GBP1: variants seen among roughly 807,000 people sequenced by gnomAD.
GBP1 encodes the protein guanylate-binding protein 1.
In GBP1, 64 loss-of-function variants were observed where a neutral mutation model predicts 69.5. The observed-to-expected ratio is 0.92, with a 90% confidence interval of 0.75 to 1.13. The LOEUF is 1.13. Among genes scored for constraint, GBP1 ranks in the 50% most tolerant of loss-of-function variants. The pLI, the probability that GBP1 is intolerant of heterozygous loss-of-function variation, is 0.00. For synonymous variants in GBP1, 250 were observed against 261.2 expected (o/e 0.96, Z 0.41); for missense variants, 630 against 704.1 (o/e 0.89, Z 1.19).
At position 89,060,302 on chromosome 1, in the gene GBP1, C is replaced by G; in HGVS notation, c.213G>C (p.Val71=). The change falls in exon 3 of 11, where the codon GTG becomes GTC. Residue 71 remains valine (V), a synonymous_variant. Coordinates refer to ENST00000370473, the MANE Select transcript of GBP1 (RefSeq NM_002053.3). ...TCCAGATTCCTTTAGTGTGAGACTG[C>G]ACCGTGGAGCCCAGAGAGAAGCCTG... ...KKKGFSLGST[V]QSHTKGIWMW... 1 of 1,598,562 alleles carries G rather than the reference C, an allele frequency of 6.3e-7. No individual in the cohort carries two copies. The highest frequency in any genetic ancestry group is 8.5e-7 in the Non-Finnish European group (1 of 1,173,332).
At chr1:89,053,548 G>T in intron 10 of GBP1, 80 bp from the exon 11 acceptor site, 1 of 1,539,836 alleles carries the variant, frequency 6.5e-7, no homozygotes, top group Non-Finnish European at 8.7e-7. Flanking sequence ...CACATTAAAT[G>T]ATTTGTTATT....
chr1:89,059,269 C>G (rs775736680), intron 4 of GBP1, 48 bp downstream of exon 4: 2 of 1,613,882 alleles, frequency 1.2e-6, no homozygotes, highest in East Asian at 4.5e-5. Context: ...TGTATGAATA[C>G]AGGTGTCCCC....
intron 1 of GBP1, among the ~76,000 whole-genome samples, chr1:89,063,567 G>T (rs1680257915): frequency 6.6e-6 from 1 of 152,130 alleles, no homozygotes; most frequent in South Asian, 2.1e-4. Context: ...GATAGAATAG[G>T]ATTTAGAGGA....
chr1:89,056,318 A>G, intron 7 of GBP1, 90 bp from the exon 8 acceptor site: 1 of 1,601,018 alleles, frequency 6.2e-7, no homozygotes, highest in Non-Finnish European at 8.5e-7. Flanking sequence ...TGAAAATAGA[A>G]GTCAATGATG....
rs767884026 is a variant in GBP1 at position 89,053,404 on chromosome 1, T to C, written c.1730A>G (p.Gln577Arg). ...KESRIMKNEI[Q>R]DLQTKMRRRK... is the part of the protein sequence containing the mutation. Reference sequence around the variant, plus strand: ...TCGTCTCATTTTCGTCTGGAGATCCTGTATCTCATTTTTCATTATTCTGCT... The same window carrying C: ...TCGTCTCATTTTCGTCTGGAGATCCCGTATCTCATTTTTCATTATTCTGCT... The change falls in exon 11 of 11, where the codon CAG (glutamine) becomes CGG (arginine). Residue 577 changes from glutamine (Q) to arginine (R), a missense_variant. Coordinates refer to ENST00000370473, the MANE Select transcript of GBP1 (RefSeq NM_002053.3). 3 of 1,613,738 alleles carry C rather than the reference T, an allele frequency of 1.9e-6. No homozygotes were observed. In the African/African-American group the frequency reaches 4.0e-5, roughly 22 times the overall value.
intron 7 of GBP1, among the ~76,000 whole-genome samples, chr1:89,056,518 G>A (rs1680049932): frequency 6.6e-6 from 1 of 152,222 alleles, no homozygotes; most frequent in Admixed American, 6.5e-5. Flanking sequence ...TGGCTGAACG[G>A]AAGCCTGCTC....
intron 5 of GBP1, 171 bp from the exon 6 acceptor site, chr1:89,058,405 G>C (rs4375241): frequency 2.3e-5 from 14 of 608,422 alleles, no homozygotes; most frequent in African/African-American, 2.0e-4. Context: ...AATGGGCATA[G>C]CATTATTCCA....
intron 7 of GBP1, 116 bp from the exon 8 acceptor site, chr1:89,056,344 G>A (rs1395422429): frequency 1.3e-6 from 2 of 1,538,974 alleles, no homozygotes; most frequent in Non-Finnish European, 1.8e-6. Context: ...GAAACTGACA[G>A]CCTCCTCACC....
chr1:89,058,829 G>A lies in GBP1; in HGVS notation c.631+12C>T. On this transcript the variant is annotated intron_variant, in intron 5 of 10. Coordinates refer to ENST00000370473, the MANE Select transcript of GBP1 (RefSeq NM_002053.3). ...TTCTCATCCTCATTTATCAGTTGAA[G>A]CTCTCTGTTACCTTTCTTCAGCTTC... The A allele has an allele frequency of 6.2e-7, 1 of 1,613,088 alleles. No individual in the cohort carries two copies. Among genetic ancestry groups the A allele is most frequent in the Non-Finnish European group, 8.5e-7 (1 of 1,179,048 alleles).
At chr1:89,061,174 G>C (rs1362921573) in intron 2 of GBP1, among the ~76,000 whole-genome samples, 3 of 152,002 alleles carry the variant, frequency 2.0e-5, no homozygotes, top group Non-Finnish European at 4.4e-5. Context: ...TGTATAAATA[G>C]AAAAATCCAC....
Position 89,053,001 on chromosome 1 carries a change from T to G in GBP1, c.*354A>C, listed in dbSNP as rs150998347. Reference sequence around the variant, plus strand: ...GTGGTTGTCCTTGATATTGGGACATTGTAGACTTGGCCAGACCAATGCCCA... The same window carrying G: ...GTGGTTGTCCTTGATATTGGGACATGGTAGACTTGGCCAGACCAATGCCCA... On this transcript the variant is annotated 3_prime_UTR_variant, in exon 11 of 11. Coordinates refer to ENST00000370473, the MANE Select transcript of GBP1 (RefSeq NM_002053.3). 9.2e-3 allele frequency: 1,658 copies of G among 180,184 alleles called. 30 individuals carry two copies. The highest frequency in any genetic ancestry group is 0.037 in the African/African-American group (1,571 of 42,336). The allele number at this position is 180,184 out of a possible 1,614,324, so 11.2% of individuals were successfully genotyped here.
chr1:89,053,376 T>C lies in GBP1; in HGVS notation c.1758A>G (p.Arg586=). Residue 586 remains arginine, a synonymous_variant, in exon 11 of 11, where the codon CGA becomes CGG. Coordinates refer to ENST00000370473, the MANE Select transcript of GBP1 (RefSeq NM_002053.3). ...GTCTTTAGCTTATGGTACATGCCTTTCGTCGTCTCATTTTCGTCTGGAGAT... is the reference window on the plus strand; with the variant it reads ...GTCTTTAGCTTATGGTACATGCCTTCCGTCGTCTCATTTTCGTCTGGAGAT... ...IQDLQTKMRR[R]KACTIS is the part of the protein sequence containing the mutation. 1 of 1,613,576 alleles carries C rather than the reference T, an allele frequency of 6.2e-7. No homozygotes were observed. Among genetic ancestry groups the C allele is most frequent in the Non-Finnish European group, 8.5e-7 (1 of 1,179,966 alleles).
Position 89,060,258 on chromosome 1 carries a change from G to A in GBP1, c.257C>T (p.Pro86Leu). ...AACTAGGATGTGGCCTGGCTTCTTG[G>A]GGTGGGGCACACACCACATCCAGAT... ...KGIWMWCVPH[P>L]KKPGHILVLL... is the part of the protein sequence containing the mutation. Residue 86 changes from proline to leucine, a missense_variant, in exon 3 of 11, where the codon CCC becomes CTC. Pro to Leu is a moderately conservative substitution (Grantham distance 98). Transcript: ENST00000370473. 6.2e-7 allele frequency: 1 copy of A among 1,602,422 alleles called. No individual in the cohort carries two copies.
chr1:89,053,841 G>T (rs1187583305), intron 10 of GBP1, among the ~76,000 whole-genome samples: 1 of 152,198 alleles, frequency 6.6e-6, no homozygotes, highest in Non-Finnish European at 1.5e-5. Flanking sequence ...ACTGGGAGCA[G>T]GACATTAAAA....
chr1:89,060,631 C>T (rs1227593301), intron 2 of GBP1, among the ~76,000 whole-genome samples: 1 of 152,192 alleles, frequency 6.6e-6, no homozygotes, highest in African/African-American at 2.4e-5. Flanking sequence ...ATAGCTTTTC[C>T]TATAACATCA....
intron 6 of GBP1, among the ~76,000 whole-genome samples, chr1:89,057,642 C>T (rs992334916): frequency 1.5e-4 from 23 of 152,172 alleles, no homozygotes; most frequent in African/African-American, 1.7e-4. Context: ...TCACTAAGTA[C>T]GTGTAAATAT....
Position 89,052,631 on chromosome 1 carries a change from A to G in GBP1, c.*724T>C, listed in dbSNP as rs1679946861. 1 of 152,216 alleles carries G rather than the reference A, an allele frequency of 6.6e-6. No homozygotes were observed. The highest frequency in any genetic ancestry group is 1.5e-5 in the Non-Finnish European group (1 of 68,040). 9.4% of individuals were successfully genotyped at this position (152,216 alleles called of 1,614,324 possible). On this transcript the variant is annotated 3_prime_UTR_variant, in exon 11 of 11. Coordinates refer to ENST00000370473, the MANE Select transcript of GBP1 (RefSeq NM_002053.3). ...GCAAATTATACGTTGCTATAAATAC[A>G]TTGTGTATTTGGCATTATGTGAATT...
At chr1:89,053,566 C>T in intron 10 of GBP1, 98 bp from the exon 11 acceptor site, 1 of 1,507,612 alleles carries the variant, frequency 6.6e-7, no homozygotes, top group Non-Finnish European at 8.8e-7. Flanking sequence ...ATTTAATTTT[C>T]TCTGAGTCAC....
Position 89,057,972 on chromosome 1 carries a change from G to A in GBP1, c.874+20C>T. The A allele has an allele frequency of 2.5e-6, 4 of 1,604,240 alleles. No homozygotes were observed. Among genetic ancestry groups the A allele is most frequent in the Non-Finnish European group, 3.4e-6 (4 of 1,174,082 alleles). On this transcript the variant is annotated intron_variant, in intron 6 of 10. Coordinates refer to ENST00000370473, the MANE Select transcript of GBP1 (RefSeq NM_002053.3). ...CTCTAGTCTTAAACAATGAGCAGAA[G>A]TACTAGGAAGGGGACTTACGAGGCC...
Sources: gnomAD v4.1 joint callset for allele counts (sites outside exome capture counted in the v4.1 genomes callset) on GRCh38, gnomAD v4.1.1 for gene constraint, MANE v1.5 for transcripts, NCBI Gene and HGNC (gene_info 2026-07-23, HGNC 2026-07-21) for gene names.